The following NCOA6 variants were observed in gnomAD, a reference collection of about 807,000 sequenced individuals.
The protein encoded by NCOA6 is NRC RAP250.
Under a neutral mutation model 171.4 loss-of-function variants are expected in NCOA6, and 49 were observed. The ratio of observed to expected loss-of-function variants is 0.29; its 90% confidence interval spans 0.23 to 0.36. The LOEUF (loss-of-function observed/expected upper bound fraction) is 0.36, where lower values mean the gene tolerates loss of function less well. Among genes scored for constraint, NCOA6 ranks in the 10% least tolerant of loss-of-function variants. The pLI is 1.00. For synonymous variants in NCOA6, 910 were observed against 927.5 expected (o/e 0.98, Z 0.34); for missense variants, 2,248 against 2,554.5 (o/e 0.88, Z 2.59).
Position 34,740,469 on chromosome 20 carries a change from G to A in NCOA6, c.5787C>T (p.Ala1929=), listed in dbSNP as rs375930366. Reference sequence around the variant, plus strand: ...CATGATTGCTTTTTGTGGTCGGTACGGCGGAGATGAGCTCGGAGGGTACCA... The same window carrying A: ...CATGATTGCTTTTTGTGGTCGGTACAGCGGAGATGAGCTCGGAGGGTACCA... ...TTLVPSELIS[A]VPTTKSNHGG... is the part of the protein sequence containing the mutation. The change falls in exon 11 of 15, where the codon GCC becomes GCT. Residue 1929 remains alanine (A), a synonymous_variant. Coordinates refer to ENST00000359003, the MANE Select transcript of NCOA6 (RefSeq NM_014071.5). 1.7e-5 allele frequency: 28 copies of A among 1,614,076 alleles called. No individual in the cohort carries two copies. Among genetic ancestry groups the A allele is most frequent in the African/African-American group, 1.6e-4 (12 of 74,908 alleles).
Position 34,723,602 on chromosome 20 carries a change from A to C in NCOA6, c.6148+3657T>G, listed in dbSNP as rs138514001. On this transcript the variant is annotated intron_variant, in intron 14 of 14. Transcript: ENST00000359003. ...GAGTCATTATGGCCTCTTCTAAGCCAACTGCTAAGCCTCAGAGCAAGGATG... is the reference window on the plus strand; with the variant it reads ...GAGTCATTATGGCCTCTTCTAAGCCCACTGCTAAGCCTCAGAGCAAGGATG... 4.6e-5 allele frequency among the ~76,000 whole-genome samples: 7 copies of C among 152,320 alleles called. No individual in the cohort carries two copies. In the East Asian group the frequency reaches 1.4e-3, roughly 29 times the overall value.
intron 14 of NCOA6, among the ~76,000 whole-genome samples, chr20:34,720,623 G>A (rs1989202670): frequency 6.6e-6 from 1 of 152,200 alleles, no homozygotes; most frequent in Non-Finnish European, 1.5e-5. Context: ...CTCTGATTTT[G>A]TTTGCATATG....
chr20:34,715,325 C>T lies in NCOA6; in HGVS notation c.6189G>A (p.Lys2063=). The T allele has an allele frequency of 1.2e-6, 2 of 1,614,052 alleles. No individual in the cohort carries two copies. Among genetic ancestry groups the T allele is most frequent in the Non-Finnish European group, 1.7e-6 (2 of 1,179,918 alleles). The change falls in exon 15 of 15, where the codon AAG becomes AAA. Residue 2063 remains lysine, a synonymous_variant. Transcript: ENST00000359003. ...SAVQSKRRKS[K] is the part of the protein sequence containing the mutation. ...ATCAAGTCGCAGTCCTGCTTGTTTACTTGGATTTTCTTCGCTTGGATTGCA... is the reference window on the plus strand; with the variant it reads ...ATCAAGTCGCAGTCCTGCTTGTTTATTTGGATTTTCTTCGCTTGGATTGCA...
At position 34,757,384 on chromosome 20, in the gene NCOA6, G is replaced by A; in HGVS notation, c.1364C>T (p.Pro455Leu). ...AAGTGGGTTATTTTGAGGTGGCCTT[G>A]GTCCCATCTGCTGCTGAGTTTGGTT... ...TVNQTQQQMG[P>L]RPPQNNPLPQ... The change falls in exon 7 of 15, where the codon CCA (proline) becomes CTA (leucine). Residue 455 changes from proline to leucine, a missense_variant. Physicochemically the swap from Pro to Leu is moderately conservative, Grantham distance 98 (BLOSUM62 -3). This residue lies in a region of NCOA6 where 987 missense variants were observed against 1,104.7 expected (regional missense o/e 0.89). Coordinates refer to ENST00000359003, the MANE Select transcript of NCOA6 (RefSeq NM_014071.5). 1 of 1,614,090 alleles carries A rather than the reference G, an allele frequency of 6.2e-7. No individual in the cohort carries two copies. Among genetic ancestry groups the A allele is most frequent in the Non-Finnish European group, 8.5e-7 (1 of 1,179,964 alleles).
rs141863711 is a variant in NCOA6, at chr20:34,740,568, C to T, written c.5688G>A (p.Pro1896=). The T allele has an allele frequency of 5.0e-6, 8 of 1,613,940 alleles. No individual in the cohort carries two copies. The highest frequency in any genetic ancestry group is 2.7e-5 in the African/African-American group (2 of 74,896). Reference sequence around the variant, plus strand: ...AGCTGGGTCCTGCTGAGGCAGTGCCCGGGCCCACAGGGCTAGAGGTCATTT... The same window carrying T: ...AGCTGGGTCCTGCTGAGGCAGTGCCTGGGCCCACAGGGCTAGAGGTCATTT... The part of the protein sequence containing the change: ...LLKMTSSPVG[P]GTASAGPSLP... Residue 1896 remains proline, a synonymous_variant, in exon 11 of 15, where the codon CCG becomes CCA. Transcript: ENST00000359003.
chr20:34,777,578 G>A (rs2077370041), intron 3 of NCOA6, among the ~76,000 whole-genome samples: 2 of 151,626 alleles, frequency 1.3e-5, no homozygotes, highest in African/African-American at 4.9e-5. Context: ...ATGCACTACT[G>A]CACTCCAGCC....
chr20:34,727,208 A>ACTCT (rs1278298295), intron 14 of NCOA6, 51 bp downstream of exon 14: 1 of 1,587,494 alleles, frequency 6.3e-7, no homozygotes, highest in Non-Finnish European at 8.6e-7. Flanking sequence ...TGTGGTAAGA[A>ACTCT]CTCTATTCCT....
At chr20:34,730,713 T>TG (rs1278917337) in intron 13 of NCOA6, among the ~76,000 whole-genome samples, 1 of 4,378 alleles carries the variant, frequency 2.3e-4, no homozygotes, top group Non-Finnish European at 5.3e-4. Context: ...TGTTCTAGAC[T>TG]TTTTTTTTTT....
chr20:34,744,695 C>T (rs1018193747), intron 10 of NCOA6, among the ~76,000 whole-genome samples: 11 of 152,112 alleles, frequency 7.2e-5, no homozygotes, highest in African/African-American at 2.4e-4. Context: ...ATTTTAGGCC[C>T]GAGTAACTTC....
In NCOA6 at chr20:34,754,734, C is replaced by T. The variant is rs772037804; in HGVS notation, c.1663G>A (p.Val555Ile). The change falls in exon 8 of 15, where the codon GTC (valine) becomes ATC (isoleucine). Residue 555 changes from valine (V) to isoleucine (I), a missense_variant. Val to Ile is a conservative substitution (Grantham distance 29). Coordinates refer to ENST00000359003, the MANE Select transcript of NCOA6 (RefSeq NM_014071.5). ...GAPQLQANQN[V>I]QHAGGQGAGP... Reference sequence around the variant, plus strand: ...ACAGAAAACAAACCTGCATGCTGGACATTTTGATTTGCTTGCAGCTGAGGG... The same window carrying T: ...ACAGAAAACAAACCTGCATGCTGGATATTTTGATTTGCTTGCAGCTGAGGG... 1.2e-6 allele frequency: 2 copies of T among 1,614,156 alleles called. No homozygotes were observed. The highest frequency in any genetic ancestry group is 1.1e-5 in the South Asian group (1 of 91,084).
chr20:34,747,887 A>T (rs1246763872), intron 9 of NCOA6, among the ~76,000 whole-genome samples: 2 of 152,348 alleles, frequency 1.3e-5, no homozygotes, highest in African/African-American at 4.8e-5. Context: ...AGAAAATTGT[A>T]GAGATAAGAA....
rs11484299 is a variant in NCOA6 at position 34,746,930 on chromosome 20, TAAAA to T, written c.2793-6_2793-3del. 5,219 of 1,119,164 alleles carry T rather than the reference TAAAA, an allele frequency of 4.7e-3. No homozygotes were observed. The highest frequency in any genetic ancestry group is 0.013 in the Admixed American group (250 of 19,400). The allele number at this position is 1,119,164 out of a possible 1,614,324, so 69.3% of individuals were successfully genotyped here. On this transcript the variant is annotated splice_polypyrimidine_tract_variant and splice_region_variant and intron_variant, in intron 9 of 14. Coordinates refer to ENST00000359003, the MANE Select transcript of NCOA6 (RefSeq NM_014071.5). Reference sequence around the variant, plus strand: ...CCAGCTGGGCGAGTATCTGGGGTGCTAAAAAAAAAAAAAAAAAAAAAAGTGACAT... The same window carrying T: ...CCAGCTGGGCGAGTATCTGGGGTGCTAAAAAAAAAAAAAAAAAAGTGACAT...
At chr20:34,771,064 C>A (rs1255224194) in intron 4 of NCOA6, among the ~76,000 whole-genome samples, 1 of 152,204 alleles carries the variant, frequency 6.6e-6, no homozygotes, top group Non-Finnish European at 1.5e-5. Context: ...ATGAAATTAT[C>A]ATTTATTTTA....
chr20:34,787,521 G>A (rs1275370427), intron 2 of NCOA6, among the ~76,000 whole-genome samples: 10 of 148,814 alleles, frequency 6.7e-5, no homozygotes, highest in Non-Finnish European at 5.9e-5. Flanking sequence ...GCAAGTTCCC[G>A]CTCTTAAAAA....
At chr20:34,811,066 G>A (rs916502664) in intron 1 of NCOA6, among the ~76,000 whole-genome samples, 17 of 151,040 alleles carry the variant, frequency 1.1e-4, no homozygotes, top group Admixed American at 9.9e-4. Context: ...ATGATTTAGG[G>A]CAAGACATAA....
intron 2 of NCOA6, among the ~76,000 whole-genome samples, chr20:34,784,306 C>T (rs753610882): frequency 1.3e-5 from 2 of 151,844 alleles, no homozygotes; most frequent in Non-Finnish European, 2.9e-5. Flanking sequence ...CTCACTGCAG[C>T]CTCAACCTCC....
chr20:34,761,804 C>T lies in NCOA6; in HGVS notation c.515-2871G>A, dbSNP rs866305271. 7.2e-5 allele frequency among the ~76,000 whole-genome samples: 11 copies of T among 152,098 alleles called. 1 individual carries two copies. Among genetic ancestry groups the T allele is most frequent in the South Asian group, 4.2e-4 (2 of 4,808 alleles). ...CCGAGTAGATAGGACTACAGGCACACGCCACCATGCCTGGCTAATTTTTGT... is the reference window on the plus strand; with the variant it reads ...CCGAGTAGATAGGACTACAGGCACATGCCACCATGCCTGGCTAATTTTTGT... On this transcript the variant is annotated intron_variant, in intron 5 of 14. Transcript: ENST00000359003.
chr20:34,786,206 G>C (rs1037397394), intron 2 of NCOA6, among the ~76,000 whole-genome samples: 15 of 152,066 alleles, frequency 9.9e-5, no homozygotes, highest in Non-Finnish European at 1.8e-4. Context: ...TATCATTTCT[G>C]ATTGTGCTTA....
chr20:34,782,950 G>C (rs1326175299), intron 2 of NCOA6, among the ~76,000 whole-genome samples: 1 of 152,150 alleles, frequency 6.6e-6, no homozygotes, highest in Non-Finnish European at 1.5e-5. Flanking sequence ...CAGTGGAATG[G>C]CTGAAAATAA....
Sources: gnomAD v4.1 joint callset for allele counts (sites outside exome capture counted in the v4.1 genomes callset) on GRCh38, gnomAD v4.1.1 for gene constraint, gnomAD v4.1.1 regional missense constraint, MANE v1.5 for transcripts, NCBI Gene and HGNC (gene_info 2026-07-23, HGNC 2026-07-21) for gene names.